Variants in GLE1 observed in about 807,000 individuals in gnomAD.
GLE1 encodes the protein GLE1 RNA export mediator, also known as mRNA export factor GLE1.
GLE1 carries 78 observed loss-of-function variants against 97.3 expected under a neutral mutation model. That is an observed-to-expected ratio of 0.80 (90% CI 0.67 to 0.97). The LOEUF (loss-of-function observed/expected upper bound fraction) is 0.97. Ranked by LOEUF, GLE1 falls within the 50% of genes least tolerant of loss-of-function variation. The pLI, the probability that GLE1 is intolerant of heterozygous loss-of-function variation, is 0.00. For missense variants in GLE1, 753 were observed against 857.5 expected, an observed-to-expected ratio of 0.88 and a Z score of 1.52; for synonymous variants, 302 against 313.4, an observed-to-expected ratio of 0.96 and a Z score of 0.39.
At position 128,540,215 on chromosome 9, in the gene GLE1, C is replaced by T. The variant is rs139711891; in HGVS notation, c.1965-60C>T. ...CAGCCTAGGTGACAGAGTGAGACAC[C>T]GTTTCCAAAAGATAGGTGTATATCA... On this transcript the variant is annotated intron_variant, in intron 14 of 15. Transcript: ENST00000309971. 8.5e-4 allele frequency: 973 copies of T among 1,145,698 alleles called. 6 individuals are homozygous for T. The African/African-American group carries it at 0.012, about 14-fold the overall frequency. The allele number at this position is 1,145,698 out of a possible 1,614,324, so 71.0% of individuals were successfully genotyped here.
In GLE1 at chr9:128,533,773, G is replaced by A; in HGVS notation, c.1468G>A (p.Glu490Lys). 6.2e-7 allele frequency: 1 copy of A among 1,614,138 alleles called. No individual in the cohort carries two copies. The highest frequency in any genetic ancestry group is 8.5e-7 in the Non-Finnish European group (1 of 1,179,984). ...TCTATGTTCTCAGAAACAAGGCGAG[G>A]AGGAAGTGGCCTCTCACCATGAAGC... ...LAEKFVKQGE[E>K]EVASHHEAAF... Residue 490 changes from glutamate (E) to lysine (K), a missense_variant, in exon 11 of 16, where the codon GAG becomes AAG. Coordinates refer to ENST00000309971, the MANE Select transcript of GLE1 (RefSeq NM_001003722.2).
At chr9:128,535,136 G>A (rs1056328488) in intron 11 of GLE1, among the ~76,000 whole-genome samples, 8 of 152,300 alleles carry the variant, frequency 5.3e-5, no homozygotes, top group African/African-American at 1.9e-4. Context: ...AACAATTTGG[G>A]AGGTTGAAGC....
chr9:128,534,194 G>T (rs545075460), intron 11 of GLE1, among the ~76,000 whole-genome samples: 1 of 151,960 alleles, frequency 6.6e-6, no homozygotes, highest in African/African-American at 2.4e-5. Flanking sequence ...ATGGAGAAAC[G>T]CCATCTCTAC....
intron 3 of GLE1, among the ~76,000 whole-genome samples, chr9:128,519,721 T>A (rs1379667287): frequency 1.3e-5 from 2 of 152,214 alleles, no homozygotes; most frequent in Non-Finnish European, 2.9e-5. Flanking sequence ...TCTGTTACCT[T>A]GTGAAGTACT....
At chr9:128,517,609 G>C (rs1251465500) in intron 3 of GLE1, among the ~76,000 whole-genome samples, 1 of 152,088 alleles carries the variant, frequency 6.6e-6, no homozygotes, top group Non-Finnish European at 1.5e-5. Flanking sequence ...TTTATTTCCT[G>C]CATCTTTGGA....
chr9:128,513,812 C>T (rs535069854), intron 2 of GLE1, among the ~76,000 whole-genome samples: 2 of 151,488 alleles, frequency 1.3e-5, no homozygotes, highest in Admixed American at 6.6e-5. Context: ...GTCAAGAGAT[C>T]AAGACCATCC....
intron 11 of GLE1, among the ~76,000 whole-genome samples, chr9:128,535,522 CAAA>C (rs60357152): frequency 4.2e-5 from 5 of 120,352 alleles, no homozygotes; most frequent in Non-Finnish European, 1.7e-5. Context: ...AACTCTGTCT[CAAA>C]AAAAAAAAAA....
intron 4 of GLE1, 104 bp from the exon 5 acceptor site, chr9:128,523,176 G>T: frequency 1.1e-6 from 1 of 897,170 alleles, no homozygotes; most frequent in Non-Finnish European, 1.9e-6. Flanking sequence ...CTAAGAAAAA[G>T]GGAAGGAAGG....
At chr9:128,532,740 C>T in intron 9 of GLE1, 1 of 860,710 alleles carries the variant, frequency 1.2e-6, no homozygotes, top group Non-Finnish European at 1.4e-6. Flanking sequence ...GGGCCAGCTA[C>T]CTCAAGGAAG....
intron 3 of GLE1, among the ~76,000 whole-genome samples, chr9:128,520,330 G>GTATATGTGTATATGTGTA (rs1847109676): frequency 7.0e-6 from 1 of 142,404 alleles, no homozygotes; most frequent in Admixed American, 7.0e-5. Flanking sequence ...GTATATGTGT[G>GTATATGTGTATATGTGTA]TATATGTGTA....
intron 2 of GLE1, among the ~76,000 whole-genome samples, chr9:128,511,610 G>A (rs1309069674): frequency 2.0e-5 from 3 of 151,444 alleles, no homozygotes; most frequent in Admixed American, 6.6e-5. Context: ...GGAGGCTGAG[G>A]CAGGAGAATG....
rs1000360168 is a variant in GLE1, at chr9:128,536,362, G to C, written c.1654G>C (p.Gly552Arg). 3.7e-6 allele frequency: 6 copies of C among 1,613,404 alleles called. No individual in the cohort carries two copies. The highest frequency in any genetic ancestry group is 2.2e-5 in the East Asian group (1 of 44,826). ...MALEDYQRMLGYQVKDSKVEQ... is the reference protein window; with the variant it reads ...MALEDYQRMLRYQVKDSKVEQ... ...TTTTTTCTTCCCGTATAGGATGCTT[G>C]GTTACCAAGTAAAGGATTCCAAAGT... The change falls in exon 12 of 16, where the codon GGT becomes CGT. Residue 552 changes from glycine to arginine, a missense_variant. By Grantham distance (125) the Gly-to-Arg change is moderately radical. Transcript: ENST00000309971.
Position 128,524,596 on chromosome 9 carries a change from G to A in GLE1, c.898-596G>A, listed in dbSNP as rs940831043. 9.1e-5 allele frequency among the ~76,000 whole-genome samples: 12 copies of A among 131,350 alleles called. No homozygotes were observed. In the East Asian group the frequency reaches 1.7e-3, roughly 19 times the overall value. The allele number at this position is 131,350 out of a possible 152,430, so 86.2% of individuals were successfully genotyped here. A position where few individuals can be genotyped will look rare whatever the true frequency, so the allele number is the denominator to read the frequency against. ...AGACAGGGTCTCACACTCTTGCCCC[G>A]GCTGGAGTGCAGTGGTGTGATCATG... is the stretch of plus-strand genomic sequence containing the variant. On this transcript the variant is annotated intron_variant, in intron 6 of 15. Transcript: ENST00000309971.
chr9:128,506,890 C>T (rs1375996055), intron 1 of GLE1, among the ~76,000 whole-genome samples: 1 of 152,172 alleles, frequency 6.6e-6, no homozygotes, highest in East Asian at 1.9e-4. Flanking sequence ...AAGTTTGGCT[C>T]CTGTTATTCT....
rs5900802 is a variant in GLE1 at position 128,533,427 on chromosome 9, CAAAAAAAAAAAAA to C, written c.1313-73_1313-61del. 3.0e-3 allele frequency: 1,341 copies of C among 453,658 alleles called. 12 individuals carry two copies. Among genetic ancestry groups the C allele is most frequent in the Non-Finnish European group, 1.3e-3 (376 of 284,634 alleles). The allele number at this position is 453,658 out of a possible 1,614,324, so 28.1% of individuals were successfully genotyped here. On this transcript the variant is annotated intron_variant, in intron 9 of 15. Transcript: ENST00000309971. ...CCTGGGCAGTAGAGTGATACTGTCT[CAAAAAAAAAAAAA>C]AAAAAAAAAAAAGGAAAAGAAAAAG...
intron 1 of GLE1, among the ~76,000 whole-genome samples, chr9:128,505,885 T>C (rs1178965652): frequency 6.6e-6 from 1 of 152,228 alleles, no homozygotes; most frequent in Admixed American, 6.5e-5. Flanking sequence ...CTCTATGACG[T>C]TGCCAGATCC....
chr9:128,537,260 C>G (rs936326208), intron 12 of GLE1, among the ~76,000 whole-genome samples: 2 of 151,726 alleles, frequency 1.3e-5, no homozygotes, highest in African/African-American at 4.8e-5. Flanking sequence ...CAAGACCAGC[C>G]TGGCCAACAT....
chr9:128,530,909 A>C (rs1325353426), intron 9 of GLE1, among the ~76,000 whole-genome samples: 1 of 119,866 alleles, frequency 8.3e-6, no homozygotes, highest in East Asian at 2.4e-4. Flanking sequence ...ATTCCGTCTC[A>C]AAAAAAAAAA....
At chr9:128,530,653 T>G (rs2132491302) in intron 9 of GLE1, among the ~76,000 whole-genome samples, 1 of 152,114 alleles carries the variant, frequency 6.6e-6, no homozygotes, top group African/African-American at 2.4e-5. Flanking sequence ...TTCACGCCTG[T>G]AATCCCAGCA....
Sources: allele counts gnomAD v4.1 joint callset (sites outside exome capture counted in the v4.1 genomes callset), GRCh38; gene constraint gnomAD v4.1.1; transcripts MANE v1.5; gene names NCBI Gene and HGNC (gene_info 2026-07-23, HGNC 2026-07-21).